The following FCHSD2 variants were observed in gnomAD, a reference collection of about 807,000 sequenced individuals.
The protein encoded by FCHSD2 is FCH and double SH3 domains 2, also known as F-BAR and double SH3 domains protein 2.
In FCHSD2, 38 loss-of-function variants were observed where a neutral mutation model predicts 108.1. The ratio of observed to expected loss-of-function variants is 0.35; its 90% CI spans 0.27 to 0.46. FCHSD2 has a LOEUF of 0.46. Among genes scored for constraint, FCHSD2 ranks in the 20% least tolerant of loss-of-function variants. The pLI is 1.00. For missense variants in FCHSD2, 751 were observed against 897.8 expected, an observed-to-expected ratio of 0.84 and a Z score of 2.09; for synonymous variants, 279 against 314.7, an observed-to-expected ratio of 0.89 and a Z score of 1.20.
chr11:72,995,080 T>A (rs11235627), intron 5 of FCHSD2, among the ~76,000 whole-genome samples: 1 of 152,326 alleles, frequency 6.6e-6, no homozygotes, highest in East Asian at 1.9e-4. Flanking sequence ...TCAAATAATA[T>A]GTGGCCTTAT....
intron 2 of FCHSD2, among the ~76,000 whole-genome samples, chr11:73,108,508 T>G (rs1261603702): frequency 6.6e-6 from 1 of 152,204 alleles, no homozygotes; most frequent in Non-Finnish European, 1.5e-5. Flanking sequence ...GGTTACCTAA[T>G]GTTTTCTTTT....
chr11:73,003,866 G>A (rs1354579893), intron 4 of FCHSD2, among the ~76,000 whole-genome samples: 3 of 151,612 alleles, frequency 2.0e-5, no homozygotes, highest in East Asian at 2.0e-4. Flanking sequence ...CAGCACTCTG[G>A]GAGGCCAAGG....
chr11:72,914,551 G>C (rs1303030805), intron 9 of FCHSD2, among the ~76,000 whole-genome samples: 1 of 152,052 alleles, frequency 6.6e-6, no homozygotes, highest in Admixed American at 6.6e-5. Context: ...ATAGACCAAT[G>C]AAACAGAATA....
chr11:73,029,513 C>T (rs1003462150), intron 3 of FCHSD2, among the ~76,000 whole-genome samples: 3 of 152,194 alleles, frequency 2.0e-5, no homozygotes, highest in South Asian at 2.1e-4. Flanking sequence ...TGCATATGTT[C>T]CTGGAACAAC....
At chr11:72,992,304 A>G (rs1298163758) in intron 5 of FCHSD2, among the ~76,000 whole-genome samples, 1 of 152,222 alleles carries the variant, frequency 6.6e-6, no homozygotes, top group Non-Finnish European at 1.5e-5. Context: ...TCATGGGTAG[A>G]AAGAATCAAT....
At chr11:73,080,818 C>T (rs1002370822) in intron 3 of FCHSD2, among the ~76,000 whole-genome samples, 1 of 152,012 alleles carries the variant, frequency 6.6e-6, no homozygotes, top group Admixed American at 6.6e-5. Context: ...ATGGCAGGCA[C>T]CTGTAATCCC....
chr11:72,852,741 A>G lies in FCHSD2; in HGVS notation c.1309-2852T>C, dbSNP rs114895480. Among the ~76,000 whole-genome samples the G allele has an allele frequency of 4.5e-3, 683 of 152,304 alleles. 4 individuals carry two copies. The highest frequency in any genetic ancestry group is 0.016 in the African/African-American group (649 of 41,562). ...TTATACTAGCGAAGACATGAAATCA[A>G]CCTAAATACTAATCAATGACAAGTT... On this transcript the variant is annotated intron_variant, in intron 13 of 19. Coordinates refer to ENST00000409418, the MANE Select transcript of FCHSD2 (RefSeq NM_014824.3).
intron 5 of FCHSD2, among the ~76,000 whole-genome samples, chr11:73,000,484 AT>A (rs1857604699): frequency 6.6e-6 from 1 of 152,174 alleles, no homozygotes; most frequent in African/African-American, 2.4e-5. Context: ...ATTTGAAAAC[AT>A]TTACTCATGT....
intron 13 of FCHSD2, among the ~76,000 whole-genome samples, chr11:72,859,577 A>C (rs1861516994): frequency 1.3e-5 from 2 of 152,184 alleles, no homozygotes; most frequent in African/African-American, 4.8e-5. Context: ...CACAGTATAC[A>C]TAAGGTTCGG....
chr11:73,050,756 C>A (rs1260787732), intron 3 of FCHSD2, among the ~76,000 whole-genome samples: 1 of 152,130 alleles, frequency 6.6e-6, no homozygotes, highest in African/African-American at 2.4e-5. Flanking sequence ...GAGGAAAAAA[C>A]CGTCTCACTG....
At chr11:72,900,672 G>C (rs1855508939) in intron 10 of FCHSD2, among the ~76,000 whole-genome samples, 1 of 12,240 alleles carries the variant, frequency 8.2e-5, no homozygotes, top group Admixed American at 1.4e-3. Context: ...AAGCTGATTT[G>C]ATTAAAAAAA....
chr11:72,985,587 T>C (rs1257057268), intron 6 of FCHSD2, among the ~76,000 whole-genome samples: 1 of 152,192 alleles, frequency 6.6e-6, no homozygotes, highest in Non-Finnish European at 1.5e-5. Flanking sequence ...ATGAAGTCCT[T>C]ACTTCTATTA....
intron 8 of FCHSD2, among the ~76,000 whole-genome samples, chr11:72,949,164 C>A (rs1856575858): frequency 6.6e-6 from 1 of 151,912 alleles, no homozygotes; most frequent in Admixed American, 6.6e-5. Flanking sequence ...CAAAAAGAAA[C>A]CTGGCCGGGC....
chr11:73,093,586 G>T (rs1433004528), intron 2 of FCHSD2, among the ~76,000 whole-genome samples: 1 of 152,016 alleles, frequency 6.6e-6, no homozygotes, highest in Non-Finnish European at 1.5e-5. Flanking sequence ...TGGTGGTAGT[G>T]AGGATGGGGT....
chr11:72,857,956 T>A (rs2135184593), intron 13 of FCHSD2, among the ~76,000 whole-genome samples: 1 of 152,290 alleles, frequency 6.6e-6, no homozygotes, highest in African/African-American at 2.4e-5. Context: ...TTGGGCAAAT[T>A]AACTCCTCAA....
chr11:72,960,127 T>A (rs149064144), intron 8 of FCHSD2, among the ~76,000 whole-genome samples: 1 of 152,184 alleles, frequency 6.6e-6, no homozygotes. Flanking sequence ...TGCCAGGATC[T>A]ATTTCTGGTG....
chr11:72,911,789 T>C (rs1286813841), intron 9 of FCHSD2, among the ~76,000 whole-genome samples: 6 of 152,222 alleles, frequency 3.9e-5, no homozygotes, highest in Non-Finnish European at 8.8e-5. Flanking sequence ...CAATCCTGGC[T>C]CACTGCAACC....
chr11:72,868,831 C>T (rs1314314267), intron 12 of FCHSD2, among the ~76,000 whole-genome samples: 1 of 151,946 alleles, frequency 6.6e-6, no homozygotes, highest in East Asian at 1.9e-4. Context: ...TGTCCACATG[C>T]AGACATATTT....
At chr11:73,140,010 A>G in intron 2 of FCHSD2, 21 bp downstream of exon 2, 2 of 1,364,668 alleles carry the variant, frequency 1.5e-6, no homozygotes, top group South Asian at 2.7e-5. Flanking sequence ...GAAGTCCTTG[A>G]ACTATTTACT....
Sources: gnomAD v4.1 joint callset for allele counts (sites outside exome capture counted in the v4.1 genomes callset) on GRCh38, gnomAD v4.1.1 for gene constraint, MANE v1.5 for transcripts, NCBI Gene and HGNC (gene_info 2026-07-23, HGNC 2026-07-21) for gene names.